The following MAP3K15 variants were observed in gnomAD, a reference collection of about 807,000 sequenced individuals.
The protein encoded by MAP3K15 is mitogen-activated protein kinase kinase kinase 15.
A neutral mutation model predicts 99.5 loss-of-function variants in MAP3K15; 124 were observed. That is an observed-to-expected ratio of 1.25 (90% CI 1.08 to 1.45). The LOEUF is 1.45. Among genes scored for constraint, MAP3K15 ranks in the 40% most tolerant of loss-of-function variants. The pLI, the probability that MAP3K15 is intolerant of heterozygous loss-of-function variation, is 0.00. For synonymous variants in MAP3K15, 494 were observed against 439.6 expected (o/e 1.12, Z -1.55); for missense variants, 1,242 against 1,079.7 (o/e 1.15, Z -2.11).
At chrX:19,415,347 T>C in intron 9 of MAP3K15, 90 bp from the exon 10 acceptor site, 1 of 866,767 alleles carries the variant, frequency 1.2e-6, no homozygotes, top group Non-Finnish European at 1.5e-6. Flanking sequence ...CAAAAGCTTT[T>C]ATTCACTTAA....
At chrX:19,373,404 T>C in intron 21 of MAP3K15, 132 bp downstream of exon 21, 1 of 803,095 alleles carries the variant, frequency 1.2e-6, no homozygotes, top group Non-Finnish European at 1.7e-6. Flanking sequence ...GCGGCTCAGC[T>C]GCCCTACTGC....
chrX:19,437,921 A>C (rs2063933822), intron 6 of MAP3K15, among the ~76,000 whole-genome samples: 1 of 112,080 alleles, frequency 8.9e-6, no homozygotes, highest in Admixed American at 9.5e-5. Flanking sequence ...AAAACTCTGC[A>C]GTATGACATA....
intron 7 of MAP3K15, among the ~76,000 whole-genome samples, chrX:19,426,818 CAAA>C (rs746106862): frequency 5.7e-4 from 12 of 21,147 alleles, no homozygotes; most frequent in African/African-American, 2.5e-3. Context: ...AATCTGTCTC[CAAA>C]AAAAAAAAAA....
chrX:19,512,920 C>CT (rs2064531337), intron 1 of MAP3K15, among the ~76,000 whole-genome samples: 1 of 111,651 alleles, frequency 9.0e-6, no homozygotes, highest in Admixed American at 9.5e-5. Context: ...AGCTCTGTAT[C>CT]TTTTTTGGTG....
intron 3 of MAP3K15, among the ~76,000 whole-genome samples, chrX:19,469,739 A>G (rs2064193993): frequency 9.0e-6 from 1 of 111,723 alleles, no homozygotes. Flanking sequence ...AAGTGGGCGA[A>G]GGATATGAAC....
chrX:19,452,361 G>GAAGAGAAGAGAAGAGAAGAGA (rs2064058260), intron 6 of MAP3K15, among the ~76,000 whole-genome samples: 1 of 50,961 alleles, frequency 2.0e-5, no homozygotes, highest in Non-Finnish European at 3.1e-5. Flanking sequence ...AAAGAGAAGA[G>GAAGAGAAGAGAAGAGAAGAGA]AAGAGAAGAG....
intron 5 of MAP3K15, among the ~76,000 whole-genome samples, chrX:19,459,388 T>C: frequency 8.9e-6 from 1 of 112,577 alleles, no homozygotes. Flanking sequence ...GTAAAGTTCA[T>C]ATAAACTTAA....
intron 19 of MAP3K15, 51 bp downstream of exon 19, chrX:19,380,069 T>A: frequency 9.0e-7 from 1 of 1,111,194 alleles, no homozygotes; most frequent in Non-Finnish European, 1.2e-6. Context: ...GACTTTGTTT[T>A]TAATTCTACT....
At position 19,425,583 on chromosome X, in the gene MAP3K15, C is replaced by T. The variant is rs780336121; in HGVS notation, c.1387G>A (p.Gly463Arg). ...CTCTCTGCTGCCTGGACGGCTTTCC[C>T]GACATCATGGGCCAGCATGCTGACG... The part of the protein sequence containing the change: ...FSVSMLAHDV[G>R]KAVQAAERLF... Residue 463 changes from glycine to arginine, a missense_variant, in exon 9 of 29, where the codon GGG becomes AGG. By Grantham distance (125) the Gly-to-Arg change is moderately radical. Transcript: ENST00000338883. 4 of 1,199,076 alleles carry T rather than the reference C, an allele frequency of 3.3e-6. No individual in the cohort carries two copies. Among genetic ancestry groups the T allele is most frequent in the South Asian group, 1.8e-5 (1 of 56,584 alleles).
At chrX:19,472,524 G>A (rs1191752630) in intron 3 of MAP3K15, among the ~76,000 whole-genome samples, 1 of 110,885 alleles carries the variant, frequency 9.0e-6, no homozygotes, top group African/African-American at 3.3e-5. Context: ...GTAGGAACAA[G>A]GCTATATTGG....
chrX:19,493,729 G>A (rs1039940169), intron 1 of MAP3K15, among the ~76,000 whole-genome samples: 2 of 111,374 alleles, frequency 1.8e-5, no homozygotes, highest in Admixed American at 1.9e-4. Context: ...CAGGCAGGCA[G>A]GGCAAGCACT....
At chrX:19,426,420 C>T in intron 7 of MAP3K15, 77 bp from the exon 8 acceptor site, 1 of 599,786 alleles carries the variant, frequency 1.7e-6, no homozygotes. Flanking sequence ...CCAACTTTCT[C>T]ATGAAAAGTT....
intron 4 of MAP3K15, among the ~76,000 whole-genome samples, chrX:19,461,898 G>C (rs1379093335): frequency 9.1e-6 from 1 of 110,340 alleles, no homozygotes; most frequent in Non-Finnish European, 1.9e-5. Context: ...GGTCGAGGCA[G>C]GAGAATCGCT....
At chrX:19,445,627 A>T (rs1310749620) in intron 6 of MAP3K15, among the ~76,000 whole-genome samples, 1 of 107,300 alleles carries the variant, frequency 9.3e-6, no homozygotes, top group African/African-American at 3.4e-5. Context: ...TGGAAATATC[A>T]AACTAAAATT....
intron 7 of MAP3K15, among the ~76,000 whole-genome samples, chrX:19,429,802 GA>G (rs2063866028): frequency 1.2e-5 from 1 of 86,281 alleles, no homozygotes; most frequent in African/African-American, 7.0e-5. Flanking sequence ...GAGAGAGAGA[GA>G]GAGAGAGAGA....
rs1249804941 is a variant in MAP3K15, at chrX:19,425,620, A to G, written c.1350T>C (p.Gly450=). 8.3e-7 allele frequency: 1 copy of G among 1,198,718 alleles called. No homozygotes were observed. The highest frequency in any genetic ancestry group is 1.1e-6 in the Non-Finnish European group (1 of 894,062). ...CCAGCATGCTGACGCTGAAGAACTG[A>G]CCCACATCCCAGTAATTGTTCATTT... is the stretch of plus-strand genomic sequence containing the variant. ...LEKMNNYWDV[G]QFFSVSMLAH... is the part of the protein sequence containing the mutation. The change falls in exon 9 of 29, where the codon GGT becomes GGC. Residue 450 remains glycine, a synonymous_variant. Transcript: ENST00000338883.
intron 3 of MAP3K15, among the ~76,000 whole-genome samples, chrX:19,469,935 A>G (rs1292150358): frequency 2.7e-5 from 3 of 109,466 alleles, no homozygotes; most frequent in Non-Finnish European, 5.7e-5. Context: ...AAATAGGAAC[A>G]CTTTTACACT....
chrX:19,456,676 G>C (rs1264879212), intron 6 of MAP3K15, among the ~76,000 whole-genome samples: 1 of 111,879 alleles, frequency 8.9e-6, no homozygotes, highest in Non-Finnish European at 1.9e-5. Context: ...TGTGAAGCCG[G>C]GGGTGCCTGT....
intron 9 of MAP3K15, among the ~76,000 whole-genome samples, chrX:19,416,907 A>G (rs189564967): frequency 1.8e-5 from 2 of 112,211 alleles, no homozygotes; most frequent in African/African-American, 6.5e-5. Context: ...CAAAATGACA[A>G]AATTTCAAAC....
Sources: allele counts gnomAD v4.1 joint callset (sites outside exome capture counted in the v4.1 genomes callset), GRCh38; gene constraint gnomAD v4.1.1; transcripts MANE v1.5; gene names NCBI Gene and HGNC (gene_info 2026-07-23, HGNC 2026-07-21).